The following KCNH1 variants were observed in gnomAD, a reference collection of about 807,000 sequenced individuals.
The protein encoded by KCNH1 is voltage-gated delayed rectifier potassium channel KCNH1.
KCNH1 carries 27 observed loss-of-function variants against 69.2 expected under a neutral mutation model. That is an observed-to-expected ratio of 0.39 (90% CI 0.29 to 0.54). The LOEUF (loss-of-function observed/expected upper bound fraction) is 0.54. KCNH1 is among the 20% of genes least tolerant of loss of function. The probability of loss-of-function intolerance (pLI) is 0.68; values close to 1 mark genes in which losing one functional copy is unlikely to be tolerated. For synonymous variants in KCNH1, 456 were observed against 487.7 expected (o/e 0.93, Z 0.86); for missense variants, 798 against 1,261.6 (o/e 0.63, Z 5.57).
intron 10 of KCNH1, among the ~76,000 whole-genome samples, chr1:210,704,866 C>T (rs779447043): frequency 2.6e-5 from 4 of 152,208 alleles, no homozygotes; most frequent in Non-Finnish European, 4.4e-5. Flanking sequence ...CCATTCCTCC[C>T]TACACACACT....
chr1:211,073,324 G>T (rs74156888), intron 5 of KCNH1, among the ~76,000 whole-genome samples: 2,481 of 152,254 alleles, frequency 0.016, 71 homozygotes, highest in African/African-American at 0.056. Context: ...TTAGCAGGCA[G>T]AAAATCAGTA....
chr1:210,920,643 A>G (rs1193876304), intron 6 of KCNH1, among the ~76,000 whole-genome samples: 1 of 148,854 alleles, frequency 6.7e-6, no homozygotes, highest in Non-Finnish European at 1.5e-5. Context: ...CTTAATTTCT[A>G]TATTACTTTT....
At position 211,091,943 on chromosome 1, in the gene KCNH1, C is replaced by A. The variant is rs541112010; in HGVS notation, c.311-1253G>T. Among the ~76,000 whole-genome samples, 4 of 152,276 alleles carry A rather than the reference C, an allele frequency of 2.6e-5. No individual in the cohort carries two copies. The South Asian group carries it at 8.3e-4, about 32-fold the overall frequency. Reference sequence around the variant, plus strand: ...AAATTAAATGAGACACAAAGCAATCCAATGTTCTTTTCTTCCTAGTTCTTA... The same window carrying A: ...AAATTAAATGAGACACAAAGCAATCAAATGTTCTTTTCTTCCTAGTTCTTA... On this transcript the variant is annotated intron_variant, in intron 3 of 10. Transcript: ENST00000271751.
intron 6 of KCNH1, among the ~76,000 whole-genome samples, chr1:210,975,711 C>T (rs1688594862): frequency 6.6e-6 from 1 of 152,192 alleles, no homozygotes; most frequent in Non-Finnish European, 1.5e-5. Flanking sequence ...ACATCTAAAA[C>T]ACCAAAAGCA....
chr1:210,909,592 A>C (rs1300522247), intron 7 of KCNH1, among the ~76,000 whole-genome samples: 1 of 152,238 alleles, frequency 6.6e-6, no homozygotes, highest in East Asian at 1.9e-4. Flanking sequence ...CTGACTATTA[A>C]GTAGTGCAGA....
intron 10 of KCNH1, among the ~76,000 whole-genome samples, chr1:210,689,983 G>A (rs1240070734): frequency 6.6e-6 from 1 of 152,176 alleles, no homozygotes; most frequent in African/African-American, 2.4e-5. Flanking sequence ...GCATGGACTT[G>A]TGCTCACACA....
At chr1:210,931,781 G>C (rs964279780) in intron 6 of KCNH1, among the ~76,000 whole-genome samples, 2 of 150,766 alleles carry the variant, frequency 1.3e-5, no homozygotes, top group Admixed American at 1.3e-4. Flanking sequence ...ATTCAACAAA[G>C]AGATAGATAT....
intron 9 of KCNH1, among the ~76,000 whole-genome samples, chr1:210,775,808 C>T (rs571348910): frequency 6.6e-6 from 1 of 152,338 alleles, no homozygotes; most frequent in Admixed American, 6.5e-5. Context: ...TTATCTTGAT[C>T]ATGCTATCCA....
At chr1:210,893,369 C>A (rs1686791094) in intron 7 of KCNH1, among the ~76,000 whole-genome samples, 2 of 152,128 alleles carry the variant, frequency 1.3e-5, no homozygotes, top group South Asian at 4.1e-4. Flanking sequence ...TTCTTTCTAA[C>A]AAGAAATCTG....
chr1:210,923,756 C>T (rs1346779852), intron 6 of KCNH1, among the ~76,000 whole-genome samples: 1 of 152,224 alleles, frequency 6.6e-6, no homozygotes, highest in Admixed American at 6.5e-5. Flanking sequence ...CCAACTACAT[C>T]AGGAACTATA....
At chr1:210,862,200 T>C in intron 7 of KCNH1, 3 of 1,241,578 alleles carry the variant, frequency 2.4e-6, no homozygotes, top group Admixed American at 3.4e-5. Flanking sequence ...ATTTGTGTGC[T>C]TCATTGAGCT....
At chr1:211,013,597 A>T (rs1435928268) in intron 6 of KCNH1, among the ~76,000 whole-genome samples, 2 of 152,220 alleles carry the variant, frequency 1.3e-5, no homozygotes, top group Non-Finnish European at 2.9e-5. Context: ...CAAGCCCAGG[A>T]GTCAGGAGAC....
chr1:211,041,298 T>A (rs1001485667), intron 5 of KCNH1, among the ~76,000 whole-genome samples: 1 of 152,164 alleles, frequency 6.6e-6, no homozygotes, highest in East Asian at 1.9e-4. Flanking sequence ...TTCTTCCTTC[T>A]CACTCTCCTT....
intron 10 of KCNH1, among the ~76,000 whole-genome samples, chr1:210,705,939 G>A (rs1293781875): frequency 1.3e-5 from 2 of 152,198 alleles, no homozygotes; most frequent in Non-Finnish European, 2.9e-5. Context: ...TGAATGCTAA[G>A]AGCCAGGTGA....
intron 5 of KCNH1, among the ~76,000 whole-genome samples, chr1:211,062,275 T>A (rs559931021): frequency 6.6e-6 from 1 of 152,260 alleles, no homozygotes; most frequent in African/African-American, 2.4e-5. Context: ...TGAAGAAGGA[T>A]GAAATTAGAC....
chr1:211,000,779 T>G (rs1408679668), intron 6 of KCNH1, among the ~76,000 whole-genome samples: 2 of 152,152 alleles, frequency 1.3e-5, no homozygotes, highest in Non-Finnish European at 2.9e-5. Context: ...AAGGCTACAG[T>G]AACCAAAACA....
chr1:210,831,127 G>A (rs1420806366), intron 7 of KCNH1, among the ~76,000 whole-genome samples: 1 of 152,178 alleles, frequency 6.6e-6, no homozygotes, highest in Non-Finnish European at 1.5e-5. Context: ...TGCAAACACA[G>A]ACTTCTCCAA....
chr1:210,712,189 T>C (rs1682092737), intron 10 of KCNH1, among the ~76,000 whole-genome samples: 1 of 152,168 alleles, frequency 6.6e-6, no homozygotes. Flanking sequence ...CCAGAATCCA[T>C]AAAAGGAACA....
chr1:210,711,752 CT>C (rs1682080853), intron 10 of KCNH1, among the ~76,000 whole-genome samples: 3 of 152,224 alleles, frequency 2.0e-5, no homozygotes, highest in Admixed American at 2.0e-4. Flanking sequence ...TAACAGTCCA[CT>C]GTGGGCAGGG....
Sources: allele counts gnomAD v4.1 joint callset (sites outside exome capture counted in the v4.1 genomes callset), GRCh38; gene constraint gnomAD v4.1.1; transcripts MANE v1.5; gene names NCBI Gene and HGNC (gene_info 2026-07-23, HGNC 2026-07-21).